FGF13: variants seen among roughly 807,000 people sequenced by gnomAD.
The protein encoded by FGF13 is fibroblast growth factor homologous factor 2.
FGF13 carries 2 observed loss-of-function variants against 19.5 expected under a neutral mutation model. That is an observed-to-expected ratio of 0.10 (90% confidence interval 0.04 to 0.32). FGF13 has a LOEUF of 0.32. FGF13 is among the 10% of genes least tolerant of loss of function. The pLI, the probability that FGF13 is intolerant of heterozygous loss-of-function variation, is 1.00. For missense variants in FGF13, 113 were observed against 192.7 expected (o/e 0.59, Z 2.45); for synonymous variants, 72 against 76.9 (o/e 0.94, Z 0.33).
intron 3 of FGF13, among the ~76,000 whole-genome samples, chrX:138,684,010 T>G (rs917606944): frequency 4.5e-5 from 5 of 111,704 alleles, no homozygotes; most frequent in Admixed American, 9.5e-5. Flanking sequence ...AAATAACTGT[T>G]CATTTCCCTA....
At chrX:138,677,890 T>C (rs1163166468) in intron 3 of FGF13, among the ~76,000 whole-genome samples, 1 of 111,713 alleles carries the variant, frequency 9.0e-6, no homozygotes, top group Non-Finnish European at 1.9e-5. Context: ...GTACGTTTAT[T>C]GCGGCACTAT....
chrX:138,985,584 G>A (rs1212425253), intron 1 of FGF13, among the ~76,000 whole-genome samples: 1 of 111,857 alleles, frequency 8.9e-6, no homozygotes, highest in Admixed American at 9.5e-5. Context: ...GGAAGAGCCT[G>A]AAAGTGCTTC....
intron 3 of FGF13, among the ~76,000 whole-genome samples, chrX:138,697,788 T>C (rs1019984781): frequency 2.7e-5 from 3 of 111,733 alleles, no homozygotes; most frequent in African/African-American, 9.7e-5. Context: ...TTATTTCTTA[T>C]TAAAGTAGAC....
intron 3 of FGF13, among the ~76,000 whole-genome samples, chrX:138,672,692 T>C (rs1443505197): frequency 9.0e-6 from 1 of 111,612 alleles, no homozygotes; most frequent in Non-Finnish European, 1.9e-5. Context: ...GGCTGGAGAA[T>C]TTGGGGAATC....
intron 1 of FGF13, among the ~76,000 whole-genome samples, chrX:139,151,690 A>C (rs2148247611): frequency 8.9e-6 from 1 of 112,358 alleles, no homozygotes; most frequent in African/African-American, 3.2e-5. Context: ...AATTTATATA[A>C]ATTGTTAATT....
intron 1 of FGF13, among the ~76,000 whole-genome samples, chrX:138,945,195 A>T (rs2091776074): frequency 9.0e-6 from 1 of 111,244 alleles, no homozygotes; most frequent in Admixed American, 9.6e-5. Context: ...GAGGGCTTGA[A>T]TTTTTGTTTC....
chrX:139,041,310 TG>T (rs1375274573), intron 1 of FGF13, among the ~76,000 whole-genome samples: 1 of 111,445 alleles, frequency 9.0e-6, no homozygotes, highest in African/African-American at 3.3e-5. Context: ...CAAAGGATGT[TG>T]TTTTTTTAAT....
Position 138,627,606 on chromosome X carries a change from TGTGTGTGTGTGTGTGTGTGTGC to T in FGF13, c.*5222_*5243del, listed in dbSNP as rs950157255. On this transcript the variant is annotated 3_prime_UTR_variant, in exon 5 of 5. Transcript: ENST00000315930. ...TCTAGTGTGTGTGTGCCTGTGTGTGTGTGTGTGTGTGTGTGTGTGTGCGCGTGTGTGTGTGTGTGTGTGTGAA... is the reference window on the plus strand; with the variant it reads ...TCTAGTGTGTGTGTGCCTGTGTGTGTGCGTGTGTGTGTGTGTGTGTGTGAA... 2.2e-5 allele frequency: 2 copies of T among 91,769 alleles called. No homozygotes were observed. Among genetic ancestry groups the T allele is most frequent in the African/African-American group, 8.7e-5 (2 of 22,887 alleles). The allele number at this position is 91,769 out of a possible 1,213,427, so 7.6% of individuals were successfully genotyped here. A position where few individuals can be genotyped will look rare whatever the true frequency, so the allele number is the denominator to read the frequency against.
chrX:138,645,522 C>G (rs763358179), intron 3 of FGF13, among the ~76,000 whole-genome samples: 1 of 112,131 alleles, frequency 8.9e-6, no homozygotes, highest in Non-Finnish European at 1.9e-5. Context: ...AAGATGGGGA[C>G]AGCATCATGT....
chrX:138,857,862 G>A (rs1221890284), intron 2 of FGF13, among the ~76,000 whole-genome samples: 1 of 112,084 alleles, frequency 8.9e-6, no homozygotes, highest in Non-Finnish European at 1.9e-5. Flanking sequence ...TACTAAAGCC[G>A]TGGAAATAGC....
chrX:138,983,507 T>C (rs182606303), intron 1 of FGF13, among the ~76,000 whole-genome samples: 1 of 105,177 alleles, frequency 9.5e-6, no homozygotes, highest in Admixed American at 1.0e-4. Context: ...ATGGCTACTA[T>C]CAAAACAAAA....
At chrX:138,710,229 G>A (rs2090029449) in intron 1 of FGF13, among the ~76,000 whole-genome samples, 1 of 109,724 alleles carries the variant, frequency 9.1e-6, no homozygotes, top group Non-Finnish European at 1.9e-5. Flanking sequence ...TCAGCTCTTT[G>A]CAACAAGGTT....
chrX:139,164,688 CAAATAAAT>C lies in FGF13; in HGVS notation c.-113+38720_-113+38727del, dbSNP rs778262336. Among the ~76,000 whole-genome samples, 34 of 92,568 alleles carry C rather than the reference CAAATAAAT, an allele frequency of 3.7e-4. No homozygotes were observed. In the East Asian group the frequency reaches 7.9e-3, roughly 22 times the overall value. The allele number at this position is 92,568 out of a possible 115,157, so 80.4% of individuals were successfully genotyped here. On this transcript the variant is annotated intron_variant, in intron 1 of 2. Coordinates refer to the FGF13 transcript ENST00000421460. ...TGGGTGATAGAGTGAGACCTTGTCT[CAAATAAAT>C]AAATAAATAAATAAATAAATAAATA...
At chrX:138,648,636 T>A (rs981163330) in intron 3 of FGF13, among the ~76,000 whole-genome samples, 1 of 111,711 alleles carries the variant, frequency 9.0e-6, no homozygotes, top group African/African-American at 3.3e-5. Context: ...TTATTTTTTT[T>A]AAATCCTGAA....
At chrX:138,741,862 T>G (rs1466087558), upstream of FGF13, among the ~76,000 whole-genome samples, 4 of 111,789 alleles carry the variant, frequency 3.6e-5, no homozygotes, top group African/African-American at 1.3e-4. Flanking sequence ...CATTTATTGA[T>G]TAAGTTTTTA....
chrX:138,685,735 G>A (rs2089775273), intron 3 of FGF13, among the ~76,000 whole-genome samples: 1 of 111,156 alleles, frequency 9.0e-6, no homozygotes, highest in Admixed American at 9.6e-5. Flanking sequence ...AATCCTAGAA[G>A]CAATTTAAAT....
At chrX:138,743,127 A>T (rs1002785811), upstream of FGF13, among the ~76,000 whole-genome samples, 1 of 112,114 alleles carries the variant, frequency 8.9e-6, no homozygotes, top group African/African-American at 3.2e-5. Flanking sequence ...AGTTGCCAAA[A>T]CTTAGAAGCA....
intron 1 of FGF13, among the ~76,000 whole-genome samples, chrX:139,054,899 G>A (rs5976257): frequency 0.016 from 1,624 of 98,868 alleles, 58 homozygotes; most frequent in African/African-American, 0.062. Context: ...GTTGTGTTGT[G>A]TTGTATTGTA....
At chrX:139,182,002 T>G (rs7881643) in intron 1 of FGF13, among the ~76,000 whole-genome samples, 1 of 109,360 alleles carries the variant, frequency 9.1e-6, no homozygotes, top group Non-Finnish European at 1.9e-5. Context: ...TGCAGACTAT[T>G]GTTTTAGACA....
Sources: gnomAD v4.1 joint callset for allele counts (sites outside exome capture counted in the v4.1 genomes callset) on GRCh38, gnomAD v4.1.1 for gene constraint, MANE v1.5 for transcripts, NCBI Gene and HGNC (gene_info 2026-07-23, HGNC 2026-07-21) for gene names.